Variants in MAML2 observed in about 807,000 individuals in gnomAD.
MAML2 encodes mastermind like transcriptional coactivator 2.
Under a neutral mutation model 96.1 loss-of-function variants are expected in MAML2, and 22 were observed. The observed-to-expected ratio is 0.23, with a 90% CI of 0.16 to 0.33. The LOEUF is 0.33. MAML2 is among the 10% of genes least tolerant of loss of function. The pLI, the probability that MAML2 is intolerant of heterozygous loss-of-function variation, is 1.00. For synonymous variants in MAML2, 561 were observed against 521.3 expected, an observed-to-expected ratio of 1.08 and a Z score of -1.04; for missense variants, 1,367 against 1,392.4, an observed-to-expected ratio of 0.98 and a Z score of 0.29.
chr11:96,120,070 G>T (rs2135843473), intron 1 of MAML2, among the ~76,000 whole-genome samples: 1 of 149,444 alleles, frequency 6.7e-6, no homozygotes, highest in East Asian at 2.0e-4. Context: ...CCATTCTCCT[G>T]CCTCAGCCTC....
At chr11:96,007,718 A>T (rs999375674) in intron 2 of MAML2, among the ~76,000 whole-genome samples, 1 of 152,126 alleles carries the variant, frequency 6.6e-6, no homozygotes, top group Non-Finnish European at 1.5e-5. Context: ...TTATAACATG[A>T]TTTATAATTA....
At chr11:96,006,248 C>T (rs551441051) in intron 2 of MAML2, among the ~76,000 whole-genome samples, 62 of 152,274 alleles carry the variant, frequency 4.1e-4, no homozygotes, top group African/African-American at 1.5e-3. Context: ...AGAGGTTTCA[C>T]TTGGATCAAA....
intron 4 of MAML2, among the ~76,000 whole-genome samples, chr11:95,981,479 A>C (rs1857736275): frequency 6.6e-6 from 1 of 152,238 alleles, no homozygotes; most frequent in South Asian, 2.1e-4. Context: ...GTGGATGGGG[A>C]GAGCATGTCT....
At chr11:96,234,240 G>T (rs923357281) in intron 1 of MAML2, among the ~76,000 whole-genome samples, 7 of 152,204 alleles carry the variant, frequency 4.6e-5, no homozygotes, top group South Asian at 2.1e-4. Flanking sequence ...CCAGCACTTT[G>T]GGAAGCCAAG....
intron 1 of MAML2, among the ~76,000 whole-genome samples, chr11:96,238,899 T>G (rs2135959315): frequency 6.6e-6 from 1 of 152,348 alleles, no homozygotes; most frequent in African/African-American, 2.4e-5. Flanking sequence ...AAGGAGTAAG[T>G]AGCCACTTTG....
chr11:96,142,685 T>C (rs772805225), intron 1 of MAML2, among the ~76,000 whole-genome samples: 19 of 152,170 alleles, frequency 1.2e-4, no homozygotes, highest in Non-Finnish European at 2.4e-4. Flanking sequence ...TCCTTCCCAT[T>C]GTCAGATCCA....
chr11:96,034,408 A>AGTGTGTGTGTGT (rs5793773), intron 2 of MAML2, among the ~76,000 whole-genome samples: 22 of 126,730 alleles, frequency 1.7e-4, no homozygotes, highest in African/African-American at 6.4e-4. Context: ...AATACTTTGA[A>AGTGTGTGTGTGT]GTGTGTGTGT....
At chr11:96,292,285 A>G (rs915242555) in intron 1 of MAML2, among the ~76,000 whole-genome samples, 1 of 152,256 alleles carries the variant, frequency 6.6e-6, no homozygotes, top group South Asian at 2.1e-4. Flanking sequence ...GGCCTTAAAA[A>G]TAACACTTTG....
chr11:96,271,981 G>C (rs576494458), intron 1 of MAML2, among the ~76,000 whole-genome samples: 55 of 152,226 alleles, frequency 3.6e-4, no homozygotes, highest in Non-Finnish European at 6.5e-4. Flanking sequence ...CAGAATGTTT[G>C]CACTTTTTCT....
chr11:96,127,816 C>G (rs971209773), intron 1 of MAML2, among the ~76,000 whole-genome samples: 1 of 152,160 alleles, frequency 6.6e-6, no homozygotes, highest in Non-Finnish European at 1.5e-5. Flanking sequence ...CTTTCTTGGT[C>G]AGCTGTTCCT....
At chr11:96,253,031 C>A (rs1862607859) in intron 1 of MAML2, among the ~76,000 whole-genome samples, 1 of 152,142 alleles carries the variant, frequency 6.6e-6, no homozygotes, top group African/African-American at 2.4e-5. Context: ...TTCACAAAGT[C>A]AAGTGGCATG....
Position 95,979,968 on chromosome 11 carries a change from GA to G in MAML2, c.2456-6del. On this transcript the variant is annotated splice_polypyrimidine_tract_variant and splice_region_variant and intron_variant, in intron 4 of 4. Transcript: ENST00000524717. Reference sequence around the variant, plus strand: ...AGCTTATTGTGGATGAGCCACCTGAGAAAAAGAAGAGAATTTTATTAGTTCG... The same window carrying G: ...AGCTTATTGTGGATGAGCCACCTGAGAAAAGAAGAGAATTTTATTAGTTCG... The G allele has an allele frequency of 6.2e-7, 1 of 1,600,392 alleles. No homozygotes were observed. The highest frequency in any genetic ancestry group is 1.1e-5 in the South Asian group (1 of 88,748).
chr11:96,132,741 G>GTAAT (rs1860567088), intron 1 of MAML2, among the ~76,000 whole-genome samples: 1 of 152,144 alleles, frequency 6.6e-6, no homozygotes, highest in African/African-American at 2.4e-5. Flanking sequence ...AACTTACCTT[G>GTAAT]TAATTTGTCC....
intron 2 of MAML2, among the ~76,000 whole-genome samples, chr11:96,057,561 T>A (rs1335469558): frequency 6.6e-6 from 1 of 152,232 alleles, no homozygotes; most frequent in Non-Finnish European, 1.5e-5. Flanking sequence ...TCCTGAATAA[T>A]CTTTTTAAAA....
At chr11:96,287,484 G>T (rs1264420115) in intron 1 of MAML2, among the ~76,000 whole-genome samples, 4 of 152,118 alleles carry the variant, frequency 2.6e-5, no homozygotes, top group African/African-American at 4.8e-5. Context: ...CTTGCCAATG[G>T]TCCTTTGATT....
At chr11:95,998,381 G>A (rs1405777307) in intron 2 of MAML2, among the ~76,000 whole-genome samples, 1 of 152,128 alleles carries the variant, frequency 6.6e-6, no homozygotes, top group African/African-American at 2.4e-5. Flanking sequence ...CAGCATCTGA[G>A]CAAAGAAAAT....
At chr11:96,130,006 AAG>A (rs1474264034) in intron 1 of MAML2, among the ~76,000 whole-genome samples, 5 of 152,260 alleles carry the variant, frequency 3.3e-5, no homozygotes, top group Non-Finnish European at 7.3e-5. Flanking sequence ...ACATTACCTC[AAG>A]ATTATACTAG....
chr11:96,184,650 C>T (rs1350964560), intron 1 of MAML2, among the ~76,000 whole-genome samples: 2 of 143,988 alleles, frequency 1.4e-5, no homozygotes, highest in Admixed American at 7.1e-5. Flanking sequence ...AGTGCGGTGG[C>T]GCTGTCTGGG....
In MAML2 at chr11:95,977,412, C is replaced by T. The variant is rs1857665056; in HGVS notation, c.*1536G>A. The T allele has an allele frequency of 5.3e-6, 1 of 189,236 alleles. No homozygotes were observed. Among genetic ancestry groups the T allele is most frequent in the African/African-American group, 2.3e-5 (1 of 42,896 alleles). 11.7% of individuals were successfully genotyped at this position (189,236 alleles called of 1,614,324 possible). A position where few individuals can be genotyped will look rare whatever the true frequency, so the allele number is the denominator to read the frequency against. Reference sequence around the variant, plus strand: ...TCCAGACATTTTAAAGACTGGGAGACAGCTTTGCAGAATTTTCAAAGTGTG... The same window carrying T: ...TCCAGACATTTTAAAGACTGGGAGATAGCTTTGCAGAATTTTCAAAGTGTG... On this transcript the variant is annotated 3_prime_UTR_variant, in exon 5 of 5. Transcript: ENST00000524717.
Sources: gnomAD v4.1 joint callset for allele counts (sites outside exome capture counted in the v4.1 genomes callset) on GRCh38, gnomAD v4.1.1 for gene constraint, MANE v1.5 for transcripts, NCBI Gene and HGNC (gene_info 2026-07-23, HGNC 2026-07-21) for gene names.